Variants in CYP3A43 observed in about 807,000 individuals in gnomAD.
CYP3A43 encodes cytochrome P450 3A43.
In CYP3A43, 45 loss-of-function variants were observed where a neutral mutation model predicts 58.0. The ratio of observed to expected loss-of-function variants is 0.78; its 90% CI spans 0.61 to 0.99. CYP3A43 has a LOEUF of 0.99. Ranked by LOEUF, CYP3A43 falls within the 50% of genes least tolerant of loss-of-function variation. The probability of loss-of-function intolerance (pLI) is 0.00; values close to 1 mark genes in which losing one functional copy is unlikely to be tolerated. For synonymous variants in CYP3A43, 191 were observed against 201.4 expected (o/e 0.95, Z 0.44); for missense variants, 593 against 591.9 (o/e 1.00, Z -0.02).
intron 7 of CYP3A43, among the ~76,000 whole-genome samples, chr7:99,852,400 A>G (rs932954243): frequency 1.3e-5 from 2 of 152,028 alleles, no homozygotes; most frequent in African/African-American, 2.4e-5. Context: ...TGCCATTTTG[A>G]CCTTTTTAAG....
chr7:99,829,921 C>T (rs1404390566), intron 1 of CYP3A43, among the ~76,000 whole-genome samples: 1 of 152,176 alleles, frequency 6.6e-6, no homozygotes, highest in African/African-American at 2.4e-5. Flanking sequence ...TCTCCACAAG[C>T]ATCAACTCAG....
rs369487226 is a variant in CYP3A43, at chr7:99,861,571, T to C, written c.1027-42T>C. The C allele has an allele frequency of 2.0e-5, 32 of 1,569,790 alleles. No homozygotes were observed. The African/African-American group carries it at 4.2e-4, about 20-fold the overall frequency. On this transcript the variant is annotated intron_variant, in intron 10 of 12. Transcript: ENST00000354829. ...CTGCATGGACTAAGTTGAAAGTTAA[T>C]TCCCAATCTCAATTTATCCAAATCT...
chr7:99,834,614 G>T (rs1246408936), intron 1 of CYP3A43, among the ~76,000 whole-genome samples: 1 of 152,190 alleles, frequency 6.6e-6, no homozygotes, highest in East Asian at 1.9e-4. Flanking sequence ...GCCAAGTGCG[G>T]CTTAGAATAG....
At chr7:99,851,133 C>T (rs893395293) in intron 7 of CYP3A43, among the ~76,000 whole-genome samples, 22 of 151,032 alleles carry the variant, frequency 1.5e-4, no homozygotes, top group African/African-American at 5.1e-4. Flanking sequence ...CCACTGCACT[C>T]CAGCCTGGTG....
intron 9 of CYP3A43, 99 bp from the exon 10 acceptor site, chr7:99,859,731 C>T (rs1243853365): frequency 1.2e-5 from 18 of 1,482,004 alleles, no homozygotes; most frequent in Non-Finnish European, 1.7e-5. Flanking sequence ...TCTATTTTTG[C>T]TCTTAGGGAT....
At chr7:99,830,773 G>T (rs1203171255) in intron 1 of CYP3A43, among the ~76,000 whole-genome samples, 1 of 152,036 alleles carries the variant, frequency 6.6e-6, no homozygotes, top group East Asian at 1.9e-4. Context: ...ATCTTTCAAG[G>T]CTCCCATGCA....
intron 1 of CYP3A43, among the ~76,000 whole-genome samples, chr7:99,832,645 C>G (rs1324587473): frequency 6.6e-6 from 1 of 150,938 alleles, no homozygotes; most frequent in East Asian, 2.0e-4. Context: ...ACATATGTAA[C>G]AAACCTGCAC....
chr7:99,838,999 C>A, intron 2 of CYP3A43, 121 bp from the exon 3 acceptor site: 1 of 1,138,814 alleles, frequency 8.8e-7, no homozygotes, highest in South Asian at 1.4e-5. Flanking sequence ...CTCTAACTGC[C>A]AGTAAATGGT....
intron 3 of CYP3A43, among the ~76,000 whole-genome samples, chr7:99,841,123 C>T (rs187268694): frequency 5.3e-5 from 8 of 152,242 alleles, no homozygotes; most frequent in Admixed American, 6.5e-5. Context: ...CATAAGGAGC[C>T]GATGTGGCTT....
chr7:99,839,640 C>T (rs577274706), intron 3 of CYP3A43, among the ~76,000 whole-genome samples: 271 of 152,094 alleles, frequency 1.8e-3, no homozygotes, highest in African/African-American at 6.4e-3. Context: ...AGTGGACGCA[C>T]AAAGAATAAG....
chr7:99,861,947 G>T, intron 11 of CYP3A43, 108 bp downstream of exon 11: 2 of 1,005,098 alleles, frequency 2.0e-6, no homozygotes, highest in Non-Finnish European at 1.4e-6. Flanking sequence ...TTTTCATTTT[G>T]GAAGTTTTTT....
chr7:99,850,983 T>C (rs190015935), intron 7 of CYP3A43, among the ~76,000 whole-genome samples: 10 of 152,198 alleles, frequency 6.6e-5, no homozygotes, highest in Non-Finnish European at 1.2e-4. Flanking sequence ...CCTTGCCAAC[T>C]TGGCGAAACC....
intron 9 of CYP3A43, 39 bp from the exon 10 acceptor site, chr7:99,859,791 C>T (rs747001714): frequency 1.2e-6 from 2 of 1,613,204 alleles, no homozygotes; most frequent in South Asian, 1.1e-5. Flanking sequence ...ATGCTCTACA[C>T]TAACCACTTT....
At chr7:99,837,337 A>G (rs1817138834) in intron 2 of CYP3A43, among the ~76,000 whole-genome samples, 2 of 148,750 alleles carry the variant, frequency 1.3e-5, no homozygotes, top group African/African-American at 2.5e-5. Context: ...AAAAAAAAAG[A>G]AAAGAAAAAA....
chr7:99,844,275 T>C, intron 4 of CYP3A43, 33 bp downstream of exon 4: 1 of 1,588,816 alleles, frequency 6.3e-7, no homozygotes, highest in African/African-American at 1.4e-5. Context: ...ATTAATCAAA[T>C]TTTTATTCTT....
intron 4 of CYP3A43, among the ~76,000 whole-genome samples, chr7:99,845,067 CAAA>C (rs575207725): frequency 1.2e-4 from 13 of 105,482 alleles, no homozygotes; most frequent in African/African-American, 2.4e-4. Flanking sequence ...GACTCAGTCT[CAAA>C]AAAAAAAAAA....
In CYP3A43 at chr7:99,844,150, G is replaced by C; in HGVS notation, c.226G>C (p.Glu76Gln). The change falls in exon 4 of 13, where the codon GAG (glutamate) becomes CAG (glutamine). Residue 76 changes from glutamate to glutamine, a missense_variant. Coordinates refer to ENST00000354829, the MANE Select transcript of CYP3A43 (RefSeq NM_057095.3). ...CTGTTTTCCCCCACACAGGCTGTAT[G>C]AGGGGCAACAGCCCATGCTGGTCAT... ...EKYGEMWGLYEGQQPMLVIMD... is the reference protein window; with the variant it reads ...EKYGEMWGLYQGQQPMLVIMD... 6.2e-7 allele frequency: 1 copy of C among 1,613,498 alleles called. No homozygotes were observed. The highest frequency in any genetic ancestry group is 1.1e-5 in the South Asian group (1 of 90,836).
Position 99,848,107 on chromosome 7 carries a change from G to A in CYP3A43, c.433-59G>A, listed in dbSNP as rs1268734982. The A allele has an allele frequency of 1.3e-5, 20 of 1,539,558 alleles. No homozygotes were observed. The Admixed American group carries it at 2.7e-4, about 21-fold the overall frequency. On this transcript the variant is annotated intron_variant, in intron 5 of 12. Coordinates refer to ENST00000354829, the MANE Select transcript of CYP3A43 (RefSeq NM_057095.3). ...CATTTACTGTTCCATGCTGGGCAAA[G>A]CCATGTCCTTCTGAGACTCGAGTCT...
chr7:99,852,886 G>T (rs1452609710), intron 7 of CYP3A43, among the ~76,000 whole-genome samples: 1 of 152,184 alleles, frequency 6.6e-6, no homozygotes, highest in Non-Finnish European at 1.5e-5. Flanking sequence ...AGACGATTGT[G>T]TGTTTTCATT....
Sources: gnomAD v4.1 joint callset for allele counts (sites outside exome capture counted in the v4.1 genomes callset) on GRCh38, gnomAD v4.1.1 for gene constraint, MANE v1.5 for transcripts, NCBI Gene and HGNC (gene_info 2026-07-23, HGNC 2026-07-21) for gene names.